The following TAFA5 variants were observed in gnomAD, a reference collection of about 807,000 sequenced individuals.
TAFA5 encodes TAFA chemokine like family member 5, also known as chemokine-like protein TAFA-5.
In TAFA5, 6 loss-of-function variants were observed where a neutral mutation model predicts 15.3. The observed-to-expected ratio is 0.39, with a 90% CI of 0.21 to 0.77. TAFA5 has a LOEUF of 0.77. Among genes scored for constraint, TAFA5 ranks in the 30% least tolerant of loss-of-function variants. The probability of loss-of-function intolerance (pLI) is 0.41; values close to 1 mark genes in which losing one functional copy is unlikely to be tolerated. For synonymous variants in TAFA5, 103 were observed against 80.7 expected (o/e 1.28, Z -1.48); for missense variants, 161 against 193.1 (o/e 0.83, Z 0.98).
intron 3 of TAFA5, among the ~76,000 whole-genome samples, chr22:48,740,616 C>T (rs906727645): frequency 1.3e-5 from 2 of 152,148 alleles, no homozygotes; most frequent in East Asian, 1.9e-4. Flanking sequence ...GGTCCAGCAC[C>T]GTCACTGGCC....
chr22:48,705,573 C>T (rs1416351385), intron 2 of TAFA5, among the ~76,000 whole-genome samples: 1 of 152,226 alleles, frequency 6.6e-6, no homozygotes, highest in Non-Finnish European at 1.5e-5. Context: ...TAGGAACAGC[C>T]ACTGCCTGTG....
intron 3 of TAFA5, among the ~76,000 whole-genome samples, chr22:48,721,589 T>G (rs1429023547): frequency 3.3e-5 from 5 of 152,250 alleles, no homozygotes; most frequent in African/African-American, 1.2e-4. Context: ...TTTATAATCC[T>G]TATAATCTTA....
rs534898379 is a variant in TAFA5 at position 48,688,600 on chromosome 22, C to T, written c.263-19117C>T. Among the ~76,000 whole-genome samples the T allele has an allele frequency of 7.2e-5, 11 of 152,256 alleles. No individual in the cohort carries two copies. The South Asian group carries it at 1.9e-3, about 26-fold the overall frequency. On this transcript the variant is annotated intron_variant, in intron 2 of 3. Transcript: ENST00000402357. Reference sequence around the variant, plus strand: ...TCGGGGGACGGTGGCTTTCCCTGGCCGGCTCCTCCCTGGGTTCATTTCTAA... The same window carrying T: ...TCGGGGGACGGTGGCTTTCCCTGGCTGGCTCCTCCCTGGGTTCATTTCTAA...
intron 2 of TAFA5, among the ~76,000 whole-genome samples, chr22:48,672,048 T>G (rs765083072): frequency 6.6e-6 from 1 of 152,254 alleles, no homozygotes; most frequent in South Asian, 2.1e-4. Flanking sequence ...GCTTCAGGGA[T>G]CAGAGATGAT....
intron 1 of TAFA5, among the ~76,000 whole-genome samples, chr22:48,527,381 G>T (rs550514179): frequency 6.6e-6 from 1 of 152,352 alleles, no homozygotes; most frequent in South Asian, 2.1e-4. Flanking sequence ...CTATGGTGTC[G>T]CCTGGCACCT....
chr22:48,744,864 A>T (rs776502232), intron 3 of TAFA5, among the ~76,000 whole-genome samples: 1 of 151,948 alleles, frequency 6.6e-6, no homozygotes, highest in African/African-American at 2.4e-5. Context: ...GGTTCAAGCG[A>T]TTCTCCTGCC....
At chr22:48,568,499 C>T (rs1249816650) in intron 1 of TAFA5, among the ~76,000 whole-genome samples, 3 of 152,212 alleles carry the variant, frequency 2.0e-5, no homozygotes, top group Non-Finnish European at 2.9e-5. Context: ...GGACATCTCT[C>T]GGAGATCCCC....
At chr22:48,563,287 G>C (rs955082618) in intron 1 of TAFA5, among the ~76,000 whole-genome samples, 5 of 152,100 alleles carry the variant, frequency 3.3e-5, no homozygotes, top group Non-Finnish European at 7.4e-5. Flanking sequence ...CGCTTATGTC[G>C]GTTTCCAGAG....
intron 1 of TAFA5, among the ~76,000 whole-genome samples, chr22:48,585,213 AC>A (rs1182507383): frequency 1.4e-5 from 2 of 142,050 alleles, no homozygotes; most frequent in Admixed American, 1.4e-4. Context: ...CACCACACAC[AC>A]ACAGAAACCC....
intron 3 of TAFA5, among the ~76,000 whole-genome samples, chr22:48,732,281 G>A (rs1415219038): frequency 1.3e-5 from 2 of 149,036 alleles, no homozygotes; most frequent in Non-Finnish European, 3.0e-5. Flanking sequence ...ACGGAGTCTT[G>A]CTCTTGTCAC....
chr22:48,550,723 A>G lies in TAFA5; in HGVS notation c.112+61019A>G, dbSNP rs1922826176. ...CAGTGGTTGGGTGTGGAGTCCGGAC[A>G]AGGTACATCCTGATCCAGGGCCCCC... On this transcript the variant is annotated intron_variant, in intron 1 of 3. Transcript: ENST00000402357. This position sits in a 1 kb window ranked among gnomAD's most constrained non-coding sequence, Gnocchi z 4.1. Among the ~76,000 whole-genome samples, 4 of 151,978 alleles carry G rather than the reference A, an allele frequency of 2.6e-5. No individual in the cohort carries two copies. Among genetic ancestry groups the G allele is most frequent in the Admixed American group, 2.6e-4 (4 of 15,256 alleles).
chr22:48,634,707 A>G (rs2147192567), intron 1 of TAFA5, among the ~76,000 whole-genome samples: 1 of 152,152 alleles, frequency 6.6e-6, no homozygotes, highest in Non-Finnish European at 1.5e-5. Flanking sequence ...TCATTCATTC[A>G]TTCACCCTCT....
chr22:48,602,787 T>A (rs1043200609), intron 1 of TAFA5, among the ~76,000 whole-genome samples: 1 of 152,094 alleles, frequency 6.6e-6, no homozygotes, highest in African/African-American at 2.4e-5. Flanking sequence ...AATAAGTCAG[T>A]GGGTGCCAAG....
chr22:48,659,532 G>A (rs1927359861), intron 2 of TAFA5, among the ~76,000 whole-genome samples: 1 of 152,250 alleles, frequency 6.6e-6, no homozygotes, highest in Non-Finnish European at 1.5e-5. Context: ...GGGTGGAGGA[G>A]GCTCCAAGTC....
At chr22:48,630,441 G>T (rs563004634) in intron 1 of TAFA5, among the ~76,000 whole-genome samples, 1 of 152,194 alleles carries the variant, frequency 6.6e-6, no homozygotes, top group African/African-American at 2.4e-5. Flanking sequence ...TGGGGCGTGC[G>T]TGGCCTTTAT....
chr22:48,720,333 T>C (rs1472715889), intron 3 of TAFA5, among the ~76,000 whole-genome samples: 1 of 152,160 alleles, frequency 6.6e-6, no homozygotes, highest in Non-Finnish European at 1.5e-5. Flanking sequence ...GACACTGTTT[T>C]GGTGCCAAGT....
intron 2 of TAFA5, among the ~76,000 whole-genome samples, chr22:48,693,672 ACCGGGCTTTGGT>A (rs987696080): frequency 6.6e-6 from 1 of 151,616 alleles, no homozygotes; most frequent in African/African-American, 2.4e-5. Flanking sequence ...CCCGCACCAC[ACCGGGCTTTGGT>A]CCTGCTCCAG....
At chr22:48,555,418 C>T (rs1035507225) in intron 1 of TAFA5, among the ~76,000 whole-genome samples, 1 of 152,198 alleles carries the variant, frequency 6.6e-6, no homozygotes, top group Non-Finnish European at 1.5e-5. Flanking sequence ...CCGGGGAGGG[C>T]GGCTGCTCCC....
intron 2 of TAFA5, among the ~76,000 whole-genome samples, chr22:48,675,284 A>G (rs1412235098): frequency 6.6e-6 from 1 of 152,232 alleles, no homozygotes; most frequent in Non-Finnish European, 1.5e-5. Flanking sequence ...CAACATGGGT[A>G]TTGCCAAGTG....
Sources: allele counts gnomAD v4.1 joint callset (sites outside exome capture counted in the v4.1 genomes callset), GRCh38; gene constraint gnomAD v4.1.1; non-coding constraint Gnocchi (gnomAD v3.1); transcripts MANE v1.5; gene names NCBI Gene and HGNC (gene_info 2026-07-23, HGNC 2026-07-21).